Variants in QTMAN observed in about 807,000 individuals in gnomAD.
QTMAN encodes the protein queuosine-tRNA mannosyltransferase.
chr2:144,071,827 T>C, the QTMAN span, among the ~76,000 whole-genome samples: 1 of 152,154 alleles, frequency 6.6e-6, no homozygotes, highest in Admixed American at 6.5e-5. Flanking sequence ...GCATACTTTC[T>C]TCTAATCAAA....
At chr2:144,319,092 T>A in the QTMAN span, among the ~76,000 whole-genome samples, 1 of 152,176 alleles carries the variant, frequency 6.6e-6, no homozygotes, top group East Asian at 1.9e-4. Context: ...TCATTTTAAG[T>A]GAATTTAATT....
At chr2:144,252,111 A>T in the QTMAN span, among the ~76,000 whole-genome samples, 1 of 152,172 alleles carries the variant, frequency 6.6e-6, no homozygotes, top group Non-Finnish European at 1.5e-5. Context: ...TCAGACTTGT[A>T]ATCCCAGAAT....
the QTMAN span, among the ~76,000 whole-genome samples, chr2:144,146,823 T>TA: frequency 1.3e-5 from 2 of 151,802 alleles, no homozygotes; most frequent in Non-Finnish European, 2.9e-5. Context: ...ATTCCCTTTC[T>TA]AAAAAATCAG....
At chr2:144,303,476 G>C in the QTMAN span, among the ~76,000 whole-genome samples, 3 of 152,024 alleles carry the variant, frequency 2.0e-5, no homozygotes, top group African/African-American at 7.2e-5. Flanking sequence ...AGATAAATTA[G>C]GAAAACTAGG....
chr2:144,262,310 G>A, the QTMAN span, among the ~76,000 whole-genome samples: 4 of 152,020 alleles, frequency 2.6e-5, no homozygotes, highest in Non-Finnish European at 2.9e-5. Context: ...TGTTCTTACC[G>A]GCTTTGGTCA....
chr2:144,046,315 G>A, the QTMAN span, among the ~76,000 whole-genome samples: 1 of 152,166 alleles, frequency 6.6e-6, no homozygotes, highest in Non-Finnish European at 1.5e-5. Flanking sequence ...AAATAGTAAA[G>A]GTTAATAAAC....
the QTMAN span, among the ~76,000 whole-genome samples, chr2:144,205,059 G>T: frequency 6.6e-6 from 1 of 151,562 alleles, no homozygotes; most frequent in Non-Finnish European, 1.5e-5. Context: ...CGAGTTAATG[G>T]GTACAGCACA....
At chr2:144,219,468 G>A in the QTMAN span, among the ~76,000 whole-genome samples, 1 of 151,988 alleles carries the variant, frequency 6.6e-6, no homozygotes, top group African/African-American at 2.4e-5. Flanking sequence ...TAGGAAGTGT[G>A]AGGTGAAGCC....
the QTMAN span, among the ~76,000 whole-genome samples, chr2:144,330,722 A>G: frequency 6.6e-6 from 1 of 152,230 alleles, no homozygotes; most frequent in African/African-American, 2.4e-5. Flanking sequence ...AAACTTTAGT[A>G]CCATAATCAA....
the QTMAN span, among the ~76,000 whole-genome samples, chr2:144,168,009 T>C: frequency 6.6e-6 from 1 of 152,170 alleles, no homozygotes; most frequent in African/African-American, 2.4e-5. Flanking sequence ...CTTTCTAACA[T>C]ATTGCCTTCA....
At chr2:144,179,422 A>G in the QTMAN span, among the ~76,000 whole-genome samples, 1 of 152,198 alleles carries the variant, frequency 6.6e-6, no homozygotes, top group Non-Finnish European at 1.5e-5. Flanking sequence ...AAAACATTGA[A>G]TGCCAACCCT....
At chr2:144,135,991 G>A in the QTMAN span, among the ~76,000 whole-genome samples, 6 of 152,130 alleles carry the variant, frequency 3.9e-5, no homozygotes, top group Admixed American at 2.6e-4. Context: ...AGGGTTAGTT[G>A]TTATGGCTAG....
chr2:144,004,682 C>G, the QTMAN span, among the ~76,000 whole-genome samples: 1 of 151,856 alleles, frequency 6.6e-6, no homozygotes, highest in Non-Finnish European at 1.5e-5. Flanking sequence ...TCTGCCTAGA[C>G]CCAGTGGCAT....
the QTMAN span, among the ~76,000 whole-genome samples, chr2:144,071,233 T>A: frequency 6.8e-6 from 1 of 146,810 alleles, no homozygotes. Flanking sequence ...ATAAATAACA[T>A]GGGAACATTT....
the QTMAN span, among the ~76,000 whole-genome samples, chr2:143,983,201 A>AT: frequency 6.6e-6 from 1 of 152,212 alleles, no homozygotes; most frequent in African/African-American, 2.4e-5. Context: ...GTAGCAATCT[A>AT]ATAACATTCA....
chr2:144,283,132 G>A, the QTMAN span, among the ~76,000 whole-genome samples: 5 of 152,270 alleles, frequency 3.3e-5, no homozygotes, highest in African/African-American at 1.2e-4. Flanking sequence ...AGTTCTGTGA[G>A]CTGATCCCAA....
chr2:143,957,320 T>G, the QTMAN span: 5 of 1,588,674 alleles, frequency 3.1e-6, no homozygotes, highest in Non-Finnish European at 4.3e-6. Flanking sequence ...CCAATGCCTT[T>G]TTGGCCTCTG....
the QTMAN span, among the ~76,000 whole-genome samples, chr2:144,277,285 T>C: frequency 6.6e-6 from 1 of 152,164 alleles, no homozygotes; most frequent in Non-Finnish European, 1.5e-5. Context: ...GCAGTACTAG[T>C]CTACAGAACA....
chr2:144,174,508 G>A, the QTMAN span, among the ~76,000 whole-genome samples: 1 of 152,062 alleles, frequency 6.6e-6, no homozygotes, highest in African/African-American at 2.4e-5. Flanking sequence ...CATATTGGTT[G>A]GAACCAGAAG....
Sources: gnomAD v4.1 joint callset for allele counts (sites outside exome capture counted in the v4.1 genomes callset) on GRCh38, gnomAD v4.1.1 for gene constraint, MANE v1.5 for transcripts, NCBI Gene and HGNC (gene_info 2026-07-23, HGNC 2026-07-21) for gene names.